Variants in SCGB1D1 observed in about 807,000 individuals in gnomAD.
SCGB1D1 encodes secretoglobin family 1D member 1.
In SCGB1D1, 10 loss-of-function variants were observed where a neutral mutation model predicts 8.3. The ratio of observed to expected loss-of-function variants is 1.21; its 90% CI spans 0.74 to 2.05. The LOEUF (loss-of-function observed/expected upper bound fraction) is 2.05. Among genes scored for constraint, SCGB1D1 ranks in the 30% most tolerant of loss-of-function variants. SCGB1D1 has a pLI of 0.00. For missense variants in SCGB1D1, 94 were observed against 105.1 expected, an observed-to-expected ratio of 0.89 and a Z score of 0.46; for synonymous variants, 46 against 41.7, an observed-to-expected ratio of 1.10 and a Z score of -0.39.
intron 1 of SCGB1D1, 70 bp downstream of exon 1, chr11:62,190,409 A>G (rs2134719464): frequency 3.1e-6 from 5 of 1,598,474 alleles, no homozygotes; most frequent in South Asian, 1.1e-5. Flanking sequence ...GAGGTCACCT[A>G]TTAAGGTTAA....
At chr11:62,193,055 G>A (rs1206603867) in intron 2 of SCGB1D1, among the ~76,000 whole-genome samples, 1 of 152,200 alleles carries the variant, frequency 6.6e-6, no homozygotes, top group Non-Finnish European at 1.5e-5. Flanking sequence ...GCTTCCCAGA[G>A]GCCCTCCCAG....
Position 62,192,835 on chromosome 11 carries a change from C to T in SCGB1D1, c.244-564C>T, listed in dbSNP as rs946398053. 4.6e-5 allele frequency among the ~76,000 whole-genome samples: 7 copies of T among 152,356 alleles called. No individual in the cohort carries two copies. In the East Asian group the frequency reaches 9.6e-4, roughly 21 times the overall value. On this transcript the variant is annotated intron_variant, in intron 2 of 2. Coordinates refer to ENST00000306238, the MANE Select transcript of SCGB1D1 (RefSeq NM_006552.2). ...TGGGCCAAGACCCTCGCTACTCTAC[C>T]TCCTGCAGTGCCATGGAAGCGGGAT...
rs775964869 is a variant in SCGB1D1, at chr11:62,192,052, C to G, written c.56-4C>G. 3.0e-5 allele frequency: 48 copies of G among 1,584,690 alleles called. No individual in the cohort carries two copies. Among genetic ancestry groups the G allele is most frequent in the Non-Finnish European group, 3.9e-5 (45 of 1,161,944 alleles). ...CAAATTATATTTTTATTCTTTTGCTCCAGCAAATGCAGTGGTCTGCCAAGC... is the reference window on the plus strand; with the variant it reads ...CAAATTATATTTTTATTCTTTTGCTGCAGCAAATGCAGTGGTCTGCCAAGC... On this transcript the variant is annotated splice_region_variant and splice_polypyrimidine_tract_variant and intron_variant, in intron 1 of 2. Coordinates refer to ENST00000306238, the MANE Select transcript of SCGB1D1 (RefSeq NM_006552.2).
rs1200089869 is a variant in SCGB1D1, at chr11:62,192,260, T to C, written c.243+17T>C. 1 of 1,469,204 alleles carries C rather than the reference T, an allele frequency of 6.8e-7. No homozygotes were observed. The highest frequency in any genetic ancestry group is 1.2e-5 in the South Asian group (1 of 85,844). 91.0% of individuals were successfully genotyped at this position (1,469,204 alleles called of 1,614,324 possible). On this transcript the variant is annotated intron_variant, in intron 2 of 2. Transcript: ENST00000306238. ...AAAACATTGGTAATTTCTGTCTCTTTCATGTGTCCAGGCTTCTGGTCAGCG... is the reference window on the plus strand; with the variant it reads ...AAAACATTGGTAATTTCTGTCTCTTCCATGTGTCCAGGCTTCTGGTCAGCG...
intron 2 of SCGB1D1, among the ~76,000 whole-genome samples, chr11:62,193,173 C>G (rs955079263): frequency 6.6e-6 from 1 of 152,192 alleles, no homozygotes; most frequent in African/African-American, 2.4e-5. Flanking sequence ...TGTCCCCCCT[C>G]TATGAGGACC....
chr11:62,193,359 T>G, intron 2 of SCGB1D1, 40 bp from the exon 3 acceptor site: 1 of 1,603,682 alleles, frequency 6.2e-7, no homozygotes, highest in Middle Eastern at 1.7e-4. Context: ...AGGAGCTGCA[T>G]GACCGACCTC....
At chr11:62,192,373 AG>A in intron 2 of SCGB1D1, 130 bp downstream of exon 2, 1 of 756,704 alleles carries the variant, frequency 1.3e-6, no homozygotes, top group South Asian at 2.0e-5. Flanking sequence ...CCGCTTGAGA[AG>A]GTCACCTGGG....
intron 2 of SCGB1D1, 26 bp downstream of exon 2, chr11:62,192,269 C>T: frequency 6.3e-7 from 1 of 1,585,906 alleles, no homozygotes; most frequent in Non-Finnish European, 8.6e-7. Context: ...TTCATGTGTC[C>T]AGGCTTCTGG....
rs138295858 is a variant in SCGB1D1 at position 62,192,800 on chromosome 11, C to T, written c.243+557C>T. On this transcript the variant is annotated intron_variant, in intron 2 of 2. Transcript: ENST00000306238. ...CTCCTCACCCACGATGCTCTCCTGA[C>T]CACGGCCAGTGGGCCAAGACCCTCG... Among the ~76,000 whole-genome samples, 52 of 152,318 alleles carry T rather than the reference C, an allele frequency of 3.4e-4. 1 individual carries two copies. The East Asian group carries it at 9.7e-3, about 28-fold the overall frequency.
At chr11:62,191,014 G>C (rs1378709126) in intron 1 of SCGB1D1, among the ~76,000 whole-genome samples, 2 of 152,162 alleles carry the variant, frequency 1.3e-5, no homozygotes, top group Non-Finnish European at 2.9e-5. Flanking sequence ...CTACCGTAAT[G>C]GTGGTAGAAA....
intron 2 of SCGB1D1, 98 bp from the exon 3 acceptor site, chr11:62,193,301 T>G (rs1343368175): frequency 1.8e-6 from 2 of 1,136,646 alleles, no homozygotes; most frequent in Non-Finnish European, 2.6e-6. Context: ...TCAATTGTCT[T>G]TGGGAGCAGA....
chr11:62,191,975 CCTGTCTGGT>C, intron 1 of SCGB1D1, 72 bp from the exon 2 acceptor site: 3 of 1,268,946 alleles, frequency 2.4e-6, no homozygotes, highest in Non-Finnish European at 3.2e-6. Context: ...CCCTGGGGTT[CCTGTCTGGT>C]CTGACATCAG....
At chr11:62,191,973 T>A in intron 1 of SCGB1D1, 83 bp from the exon 2 acceptor site, 1 of 1,253,592 alleles carries the variant, frequency 8.0e-7, no homozygotes, top group Admixed American at 2.6e-5. Context: ...AACCCTGGGG[T>A]TCCTGTCTGG....
Position 62,193,509 on chromosome 11 carries a change from C to A in SCGB1D1, c.*81C>A. ...TCACTGCAGAATGTAAAGGTTTCAA[C>A]GTCTTGCTCTAATAAATCACTTGCC... On this transcript the variant is annotated 3_prime_UTR_variant, in exon 3 of 3. Transcript: ENST00000306238. The A allele has an allele frequency of 8.2e-7, 1 of 1,216,840 alleles. No homozygotes were observed. Among genetic ancestry groups the A allele is most frequent in the Non-Finnish European group, 1.2e-6 (1 of 837,542 alleles). The allele number at this position is 1,216,840 out of a possible 1,614,324, so 75.4% of individuals were successfully genotyped here. A position where few individuals can be genotyped will look rare whatever the true frequency, so the allele number is the denominator to read the frequency against.
intron 1 of SCGB1D1, among the ~76,000 whole-genome samples, chr11:62,190,786 A>G (rs1944672605): frequency 2.0e-5 from 3 of 152,200 alleles, no homozygotes; most frequent in African/African-American, 4.8e-5. Context: ...TGTGAAGCCA[A>G]TCACTGTACT....
chr11:62,190,374 T>G, intron 1 of SCGB1D1, 35 bp downstream of exon 1: 1 of 1,613,738 alleles, frequency 6.2e-7, no homozygotes, highest in Non-Finnish European at 8.5e-7. Context: ...GCACCAGCCC[T>G]TGGGACACAC....
chr11:62,193,432 G>A lies in SCGB1D1; in HGVS notation c.*4G>A. 1 of 1,611,884 alleles carries A rather than the reference G, an allele frequency of 6.2e-7. No homozygotes were observed. Among genetic ancestry groups the A allele is most frequent in the Non-Finnish European group, 8.5e-7 (1 of 1,178,682 alleles). On this transcript the variant is annotated 3_prime_UTR_variant, in exon 3 of 3. Coordinates refer to ENST00000306238, the MANE Select transcript of SCGB1D1 (RefSeq NM_006552.2). ...AGCAGAGAAATGTGATCGCTGAGAT[G>A]TAAAAAGTTTTTAATGCTAGTTTCC...
chr11:62,192,621 C>G (rs1463071657), intron 2 of SCGB1D1, among the ~76,000 whole-genome samples: 1 of 152,212 alleles, frequency 6.6e-6, no homozygotes, highest in Non-Finnish European at 1.5e-5. Context: ...GTGGAATGTA[C>G]TGGGGAGTGT....
At chr11:62,191,880 A>C (rs1323574464) in intron 1 of SCGB1D1, among the ~76,000 whole-genome samples, 176 bp from the exon 2 acceptor site, 1 of 152,034 alleles carries the variant, frequency 6.6e-6, no homozygotes, top group East Asian at 1.9e-4. Flanking sequence ...TTCTAGCTCT[A>C]CCCTTTGCTG....
Sources: allele counts gnomAD v4.1 joint callset (sites outside exome capture counted in the v4.1 genomes callset), GRCh38; gene constraint gnomAD v4.1.1; transcripts MANE v1.5; gene names NCBI Gene and HGNC (gene_info 2026-07-23, HGNC 2026-07-21).